PTPRD: variants seen among roughly 807,000 people sequenced by gnomAD.
PTPRD encodes the protein receptor-type tyrosine-protein phosphatase delta.
PTPRD carries 34 observed loss-of-function variants against 214.5 expected under a neutral mutation model. The ratio of observed to expected loss-of-function variants is 0.16; its 90% CI spans 0.12 to 0.21. PTPRD has a LOEUF of 0.21. Ranked by LOEUF, PTPRD falls within the 10% of genes least tolerant of loss-of-function variation. PTPRD has a pLI of 1.00. For synonymous variants in PTPRD, 1,128 were observed against 845.7 expected (o/e 1.33, Z -5.79); for missense variants, 2,545 against 2,398.7 (o/e 1.06, Z -1.27).
At chr9:9,205,730 C>A (rs968507168) in intron 9 of PTPRD, among the ~76,000 whole-genome samples, 7 of 152,000 alleles carry the variant, frequency 4.6e-5, no homozygotes, top group African/African-American at 1.7e-4. Flanking sequence ...ATCTATTTAT[C>A]CATTCTTTTA....
intron 3 of PTPRD, among the ~76,000 whole-genome samples, chr9:10,118,364 C>A (rs1326969737): frequency 6.6e-6 from 1 of 150,882 alleles, no homozygotes; most frequent in Non-Finnish European, 1.5e-5. Flanking sequence ...GCAATCATGC[C>A]AAAAGAAATA....
intron 5 of PTPRD, among the ~76,000 whole-genome samples, chr9:9,787,324 T>C (rs1211838330): frequency 6.6e-6 from 1 of 151,692 alleles, no homozygotes; most frequent in Non-Finnish European, 1.5e-5. Context: ...CTTTGTCAGC[T>C]TCCAGGTAAA....
At chr9:8,987,212 G>C (rs1346037714) in intron 11 of PTPRD, among the ~76,000 whole-genome samples, 2 of 152,046 alleles carry the variant, frequency 1.3e-5, no homozygotes, top group South Asian at 2.1e-4. Flanking sequence ...TTAGGTTTCT[G>C]CTGACATGTT....
At chr9:9,760,599 TAC>T (rs146209140) in intron 6 of PTPRD, among the ~76,000 whole-genome samples, 3,851 of 107,692 alleles carry the variant, frequency 0.036, 65 homozygotes, top group Non-Finnish European at 0.047. Context: ...TCAGCTATCA[TAC>T]ACACACACAC....
chr9:10,230,062 G>C (rs2099603464), intron 3 of PTPRD, among the ~76,000 whole-genome samples: 1 of 151,942 alleles, frequency 6.6e-6, no homozygotes, highest in Admixed American at 6.6e-5. Flanking sequence ...TCATGTATAA[G>C]CTGGTGCATT....
intron 10 of PTPRD, among the ~76,000 whole-genome samples, chr9:9,160,948 C>G (rs962293282): frequency 2.6e-5 from 4 of 152,128 alleles, no homozygotes; most frequent in African/African-American, 9.7e-5. Flanking sequence ...ACCACATGAT[C>G]TCACTTACGT....
chr9:8,409,833 T>C (rs1487941339), intron 35 of PTPRD, among the ~76,000 whole-genome samples: 1 of 152,170 alleles, frequency 6.6e-6, no homozygotes, highest in Non-Finnish European at 1.5e-5. Context: ...AAAAATTTAA[T>C]TATATAGAAG....
intron 11 of PTPRD, among the ~76,000 whole-genome samples, chr9:8,814,840 C>A (rs774083508): frequency 6.6e-6 from 1 of 152,174 alleles, no homozygotes; most frequent in African/African-American, 2.4e-5. Flanking sequence ...AACCCTTAAC[C>A]TTAATAAGAG....
intron 35 of PTPRD, 25 bp downstream of exon 35, chr9:8,436,567 G>A (rs369495796): frequency 5.2e-6 from 8 of 1,546,922 alleles, no homozygotes; most frequent in Non-Finnish European, 5.4e-6. Flanking sequence ...TGAAATTACT[G>A]TAAAGAATAA....
intron 12 of PTPRD, among the ~76,000 whole-genome samples, chr9:8,727,281 T>C (rs1416676294): frequency 6.6e-6 from 1 of 152,224 alleles, no homozygotes; most frequent in Non-Finnish European, 1.5e-5. Context: ...CGTGTTGATT[T>C]TGTGACAGAG....
chr9:8,793,309 C>G (rs1341308143), intron 11 of PTPRD, among the ~76,000 whole-genome samples: 1 of 152,146 alleles, frequency 6.6e-6, no homozygotes, highest in South Asian at 2.1e-4. Flanking sequence ...AACGGTGGAA[C>G]TCAACTGATA....
chr9:10,467,463 A>G (rs952820885), intron 2 of PTPRD, among the ~76,000 whole-genome samples: 7 of 152,290 alleles, frequency 4.6e-5, no homozygotes, highest in African/African-American at 1.7e-4. Context: ...CACCCTCCCC[A>G]TATTACTAAA....
intron 11 of PTPRD, among the ~76,000 whole-genome samples, chr9:8,918,234 G>A (rs759940417): frequency 4.6e-5 from 7 of 152,100 alleles, no homozygotes; most frequent in East Asian, 1.9e-4. Flanking sequence ...GACCGACCCA[G>A]TCTAACAAAA....
intron 10 of PTPRD, among the ~76,000 whole-genome samples, chr9:9,150,174 T>A (rs529445561): frequency 6.6e-6 from 1 of 152,230 alleles, no homozygotes; most frequent in Non-Finnish European, 1.5e-5. Context: ...ATTCTAACCA[T>A]GGACATGTCT....
intron 8 of PTPRD, among the ~76,000 whole-genome samples, chr9:9,515,085 T>C (rs1217493321): frequency 6.6e-6 from 1 of 152,106 alleles, no homozygotes; most frequent in Non-Finnish European, 1.5e-5. Context: ...CTCTCAATCA[T>C]TCAGGGAGCT....
intron 9 of PTPRD, among the ~76,000 whole-genome samples, chr9:9,192,176 T>C (rs987633154): frequency 6.6e-6 from 1 of 151,954 alleles, no homozygotes; most frequent in Non-Finnish European, 1.5e-5. Flanking sequence ...TAGGACAGTG[T>C]CTGTTCAGTA....
At chr9:10,534,242 T>C (rs1351018686) in intron 2 of PTPRD, among the ~76,000 whole-genome samples, 3 of 151,934 alleles carry the variant, frequency 2.0e-5, no homozygotes, top group Non-Finnish European at 4.4e-5. Flanking sequence ...GATGTTAAAA[T>C]TACTCTATGG....
intron 8 of PTPRD, among the ~76,000 whole-genome samples, chr9:9,405,452 T>C (rs1015978566): frequency 6.6e-6 from 1 of 152,028 alleles, no homozygotes; most frequent in African/African-American, 2.4e-5. Context: ...AGAATCCCTT[T>C]AATCCTAAAT....
intron 13 of PTPRD, among the ~76,000 whole-genome samples, chr9:8,635,796 T>C (rs1308893819): frequency 1.3e-5 from 2 of 152,078 alleles, no homozygotes; most frequent in African/African-American, 2.4e-5. Context: ...AAGCTATCCT[T>C]CTCATGTCTT....
Sources: gnomAD v4.1 joint callset for allele counts (sites outside exome capture counted in the v4.1 genomes callset) on GRCh38, gnomAD v4.1.1 for gene constraint, MANE v1.5 for transcripts, NCBI Gene and HGNC (gene_info 2026-07-23, HGNC 2026-07-21) for gene names.